KBTBD12: variants seen among roughly 807,000 people sequenced by gnomAD.
KBTBD12 encodes kelch repeat and BTB domain containing 12.
KBTBD12 carries 53 observed loss-of-function variants against 58.7 expected under a neutral mutation model. The observed-to-expected ratio is 0.90, with a 90% CI of 0.72 to 1.14. KBTBD12 has a LOEUF of 1.14. Ranked by LOEUF, KBTBD12 falls within the 50% of genes most tolerant of loss-of-function variation. The probability of loss-of-function intolerance (pLI) is 0.00; values close to 1 mark genes in which losing one functional copy is unlikely to be tolerated. For synonymous variants in KBTBD12, 236 were observed against 259.8 expected, an observed-to-expected ratio of 0.91 and a Z score of 0.88; for missense variants, 704 against 751.3, an observed-to-expected ratio of 0.94 and a Z score of 0.74.
In KBTBD12 at chr3:127,923,049, T is replaced by C. The variant is rs1440836709; in HGVS notation, c.-13T>C. On this transcript the variant is annotated 5_prime_UTR_variant, in exon 2 of 6. Coordinates refer to ENST00000405109, the MANE Select transcript of KBTBD12 (RefSeq NM_207335.4). ...TTAAAGAAGACTTAGTTGGAAACTT[T>C]GGAGAGTAGATCATGGAGTGCAAGA... 6.6e-7 allele frequency: 1 copy of C among 1,522,170 alleles called. No individual in the cohort carries two copies. Among genetic ancestry groups the C allele is most frequent in the Admixed American group, 1.7e-5 (1 of 58,984 alleles). 94.3% of individuals were successfully genotyped at this position (1,522,170 alleles called of 1,614,324 possible). A position where few individuals can be genotyped will look rare whatever the true frequency, so the allele number is the denominator to read the frequency against.
chr3:127,926,063 C>T (rs1939559938), intron 2 of KBTBD12, among the ~76,000 whole-genome samples: 1 of 152,168 alleles, frequency 6.6e-6, no homozygotes, highest in African/African-American at 2.4e-5. Context: ...ATCTCCTTCA[C>T]TTATCTCCAT....
In KBTBD12 at chr3:127,986,641, A is replaced by C. The variant is rs1413147003; in HGVS notation, c.*2363A>C. The C allele has an allele frequency of 6.6e-6, 1 of 151,796 alleles. No individual in the cohort carries two copies. The highest frequency in any genetic ancestry group is 1.5e-5 in the Non-Finnish European group (1 of 68,088). 9.4% of individuals were successfully genotyped at this position (151,796 alleles called of 1,614,324 possible). A position where few individuals can be genotyped will look rare whatever the true frequency, so the allele number is the denominator to read the frequency against. On this transcript the variant is annotated 3_prime_UTR_variant, in exon 6 of 6. Transcript: ENST00000405109. ...GTAGCTGGGATTACAGGCGCCCACCACCACACCCAGCTAATTTTTGTATTT... is the reference window on the plus strand; with the variant it reads ...GTAGCTGGGATTACAGGCGCCCACCCCCACACCCAGCTAATTTTTGTATTT...
intron 3 of KBTBD12, among the ~76,000 whole-genome samples, chr3:127,929,687 G>T (rs1282539638): frequency 6.6e-6 from 1 of 152,064 alleles, no homozygotes; most frequent in Non-Finnish European, 1.5e-5. Context: ...TGGCAACTTT[G>T]TTTCATGTGG....
chr3:127,942,259 G>A (rs1025190549), intron 4 of KBTBD12, among the ~76,000 whole-genome samples: 6 of 152,074 alleles, frequency 3.9e-5, no homozygotes, highest in African/African-American at 1.4e-4. Context: ...TAACATATCT[G>A]TCTCCTCACA....
chr3:127,973,621 A>G (rs1291314031), intron 5 of KBTBD12, among the ~76,000 whole-genome samples: 4 of 148,374 alleles, frequency 2.7e-5, no homozygotes, highest in Non-Finnish European at 5.9e-5. Context: ...CCTGTAATTG[A>G]TTTTTCAAGG....
chr3:127,980,641 T>C (rs1485376275), intron 5 of KBTBD12, among the ~76,000 whole-genome samples: 1 of 152,210 alleles, frequency 6.6e-6, no homozygotes, highest in South Asian at 2.1e-4. Context: ...AGTGTAGTTG[T>C]CTTTGACCGG....
In KBTBD12 at chr3:127,950,405, A is replaced by G. The variant is rs2107603669; in HGVS notation, c.1493-12784A>G. 2.6e-5 allele frequency among the ~76,000 whole-genome samples: 4 copies of G among 152,310 alleles called. No homozygotes were observed. The Middle Eastern group carries it at 0.014, about 518-fold the overall frequency. ...AAACAAGCAAAGTTTGGCCTCTCAG[A>G]ATTGATGGGAGAAATAATTCAGTGG... On this transcript the variant is annotated intron_variant, in intron 4 of 5. Transcript: ENST00000405109.
intron 5 of KBTBD12, among the ~76,000 whole-genome samples, chr3:127,974,706 G>A (rs114217499): frequency 0.011 from 1,638 of 152,260 alleles, 34 homozygotes; most frequent in African/African-American, 0.037. Context: ...ATAATCATCT[G>A]GCCAGGCACG....
intron 4 of KBTBD12, among the ~76,000 whole-genome samples, chr3:127,951,432 G>A (rs1940200911): frequency 6.6e-6 from 1 of 152,194 alleles, no homozygotes; most frequent in Admixed American, 6.5e-5. Context: ...GCAGGAAGGG[G>A]TCAGGTCAGC....
chr3:127,942,976 AT>A (rs1477546961), intron 4 of KBTBD12, among the ~76,000 whole-genome samples: 1 of 152,122 alleles, frequency 6.6e-6, no homozygotes, highest in Non-Finnish European at 1.5e-5. Flanking sequence ...ATTTATTCTC[AT>A]GAGAACTAAT....
At chr3:127,956,501 A>G (rs929223388) in intron 4 of KBTBD12, among the ~76,000 whole-genome samples, 3 of 152,052 alleles carry the variant, frequency 2.0e-5, no homozygotes, top group African/African-American at 7.2e-5. Flanking sequence ...ATTCTATGAC[A>G]CCCAGTACAA....
At chr3:127,947,021 TC>T (rs1940098336) in intron 4 of KBTBD12, among the ~76,000 whole-genome samples, 1 of 152,228 alleles carries the variant, frequency 6.6e-6, no homozygotes, top group East Asian at 1.9e-4. Flanking sequence ...ACTTTTCTCA[TC>T]CATTTTTGTC....
intron 3 of KBTBD12, 103 bp from the exon 4 acceptor site, chr3:127,930,030 C>T (rs1576373783): frequency 9.7e-7 from 1 of 1,031,356 alleles, no homozygotes; most frequent in Non-Finnish European, 1.4e-6. Flanking sequence ...TGCAGTTAAC[C>T]TCTATTTATC....
At chr3:127,975,203 G>T (rs1464037435) in intron 5 of KBTBD12, among the ~76,000 whole-genome samples, 2 of 152,184 alleles carry the variant, frequency 1.3e-5, no homozygotes, top group African/African-American at 4.8e-5. Flanking sequence ...ATTCTGGGAG[G>T]CAGTGTAGAA....
intron 1 of KBTBD12, among the ~76,000 whole-genome samples, chr3:127,919,785 A>AATAT (rs137987579): frequency 5.3e-5 from 8 of 150,726 alleles, no homozygotes; most frequent in African/African-American, 1.9e-4. Context: ...CTCTCTCTCT[A>AATAT]ATATATATAT....
intron 4 of KBTBD12, among the ~76,000 whole-genome samples, chr3:127,938,775 G>A (rs1939881026): frequency 6.6e-6 from 1 of 152,236 alleles, no homozygotes; most frequent in South Asian, 2.1e-4. Flanking sequence ...AAGCAAAATC[G>A]ATTAATAGAG....
chr3:127,927,647 C>A, intron 2 of KBTBD12, 117 bp from the exon 3 acceptor site: 1 of 740,846 alleles, frequency 1.3e-6, no homozygotes, highest in Non-Finnish European at 2.0e-6. Flanking sequence ...GTTTTTTGTC[C>A]TCCAATTGGA....
At chr3:127,982,658 A>G (rs560717861) in intron 5 of KBTBD12, among the ~76,000 whole-genome samples, 45 of 152,262 alleles carry the variant, frequency 3.0e-4, no homozygotes, top group African/African-American at 1.1e-3. Context: ...AAGATAGAAA[A>G]TGCAGGGTAT....
At chr3:127,937,860 T>C (rs1027580385) in intron 4 of KBTBD12, among the ~76,000 whole-genome samples, 5 of 152,188 alleles carry the variant, frequency 3.3e-5, no homozygotes, top group Admixed American at 1.3e-4. Flanking sequence ...ACATCTGACT[T>C]ATCAACAGAA....
Sources: allele counts gnomAD v4.1 joint callset (sites outside exome capture counted in the v4.1 genomes callset), GRCh38; gene constraint gnomAD v4.1.1; transcripts MANE v1.5; gene names NCBI Gene and HGNC (gene_info 2026-07-23, HGNC 2026-07-21).